Variants in DAB1 observed in about 807,000 individuals in gnomAD.
DAB1 encodes the protein DAB adaptor protein 1.
In DAB1, 15 loss-of-function variants were observed where a neutral mutation model predicts 64.6. The observed-to-expected ratio is 0.23, with a 90% CI of 0.16 to 0.36. DAB1 has a LOEUF of 0.36. Ranked by LOEUF, DAB1 falls within the 10% of genes least tolerant of loss-of-function variation. The pLI, the probability that DAB1 is intolerant of heterozygous loss-of-function variation, is 1.00. For synonymous variants in DAB1, 235 were observed against 251.9 expected, an observed-to-expected ratio of 0.93 and a Z score of 0.64; for missense variants, 596 against 706.7, an observed-to-expected ratio of 0.84 and a Z score of 1.78.
At chr1:57,497,295 T>A (rs1344993900) in intron 7 of DAB1, among the ~76,000 whole-genome samples, 1 of 152,266 alleles carries the variant, frequency 6.6e-6, no homozygotes, top group Non-Finnish European at 1.5e-5. Context: ...TTTTCTACTA[T>A]GATGCAGGTT....
At chr1:58,362,258 C>T (rs1644174451) in intron 3 of DAB1, among the ~76,000 whole-genome samples, 1 of 152,154 alleles carries the variant, frequency 6.6e-6, no homozygotes, top group Admixed American at 6.5e-5. Flanking sequence ...GCATCTTGGC[C>T]TAGCTGGGTT....
chr1:58,351,937 G>T (rs1254445239), intron 3 of DAB1, among the ~76,000 whole-genome samples: 1 of 150,058 alleles, frequency 6.7e-6, no homozygotes, highest in Non-Finnish European at 1.5e-5. Flanking sequence ...AGTTGGAGTA[G>T]GATGGGAATG....
intron 5 of DAB1, among the ~76,000 whole-genome samples, chr1:57,963,497 A>G (rs984934508): frequency 6.6e-6 from 1 of 152,194 alleles, no homozygotes; most frequent in African/African-American, 2.4e-5. Flanking sequence ...AACGTCCTGA[A>G]AGCTGGTGAA....
At chr1:58,235,653 T>C (rs368786828) in intron 4 of DAB1, among the ~76,000 whole-genome samples, 34 of 152,320 alleles carry the variant, frequency 2.2e-4, no homozygotes, top group African/African-American at 7.5e-4. Flanking sequence ...AATCATCCTG[T>C]ATCAACAGGG....
intron 7 of DAB1, among the ~76,000 whole-genome samples, chr1:57,509,885 A>AC (rs1408040736): frequency 6.6e-6 from 1 of 152,084 alleles, no homozygotes; most frequent in Non-Finnish European, 1.5e-5. Context: ...CCTTTCCTCA[A>AC]CCCCACATTA....
intron 1 of DAB1, among the ~76,000 whole-genome samples, chr1:57,849,259 C>T (rs1653418356): frequency 1.3e-5 from 2 of 152,224 alleles, no homozygotes; most frequent in Non-Finnish European, 2.9e-5. Flanking sequence ...CTCACTGCTA[C>T]ACCAAATGCA....
Position 56,997,833 on chromosome 1 carries a change from C to T in DAB1, c.*311G>A, listed in dbSNP as rs1019313587. ...GTCATCTTAAACCCAGCTATGAGGG[C>T]TCAAATATTTGTTGGGTAAGCATTT... is the stretch of plus-strand genomic sequence containing the variant. On this transcript the variant is annotated 3_prime_UTR_variant, in exon 15 of 15. Coordinates refer to ENST00000371236, the MANE Select transcript of DAB1 (RefSeq NM_001365792.1). 6.6e-6 allele frequency: 1 copy of T among 152,190 alleles called. No homozygotes were observed. Among genetic ancestry groups the T allele is most frequent in the African/African-American group, 2.4e-5 (1 of 41,448 alleles). The allele number at this position is 152,190 out of a possible 1,614,324, so 9.4% of individuals were successfully genotyped here.
chr1:58,163,677 G>C (rs903172453), intron 4 of DAB1, among the ~76,000 whole-genome samples: 1 of 152,118 alleles, frequency 6.6e-6, no homozygotes, highest in Non-Finnish European at 1.5e-5. Flanking sequence ...GGTAAATGTG[G>C]ACTCACCAGG....
chr1:57,107,332 A>C (rs1570704623), intron 4 of DAB1, among the ~76,000 whole-genome samples: 1 of 150,050 alleles, frequency 6.7e-6, no homozygotes, highest in Admixed American at 6.7e-5. Flanking sequence ...CCGAGATTGC[A>C]CCATTGCACT....
intron 7 of DAB1, among the ~76,000 whole-genome samples, chr1:57,070,351 G>A (rs3820576): frequency 6.6e-6 from 1 of 152,054 alleles, no homozygotes; most frequent in South Asian, 2.1e-4. Flanking sequence ...GGGAGGGAGA[G>A]GCTGTCTTTT....
intron 1 of DAB1, among the ~76,000 whole-genome samples, chr1:57,374,029 T>C (rs1252832847): frequency 6.6e-6 from 1 of 152,208 alleles, no homozygotes; most frequent in Admixed American, 6.5e-5. Flanking sequence ...TATGCAACCT[T>C]TCTATGGTAA....
intron 6 of DAB1, among the ~76,000 whole-genome samples, chr1:57,760,643 G>GAC (rs778535286): frequency 9.4e-5 from 10 of 106,858 alleles, no homozygotes; most frequent in East Asian, 8.0e-4. Context: ...CACACACACA[G>GAC]ACACACACAC....
At chr1:58,326,358 C>T (rs12726314) in intron 4 of DAB1, among the ~76,000 whole-genome samples, 26,588 of 152,032 alleles carry the variant, frequency 0.17, 2,783 homozygotes, top group African/African-American at 0.29. Context: ...CAGATGAATG[C>T]CAGGTTGATT....
At chr1:57,317,705 C>T (rs1355143427) in intron 1 of DAB1, among the ~76,000 whole-genome samples, 2 of 152,140 alleles carry the variant, frequency 1.3e-5, no homozygotes, top group Non-Finnish European at 2.9e-5. Flanking sequence ...GTCTCCGGTA[C>T]CATTCCAGAT....
intron 3 of DAB1, among the ~76,000 whole-genome samples, chr1:58,488,741 C>T (rs1569872937): frequency 3.9e-5 from 6 of 152,330 alleles, no homozygotes; most frequent in South Asian, 2.1e-4. Context: ...TGAGCCACCA[C>T]GCCCAGCCCC....
At chr1:57,564,792 G>A (rs749852631) in intron 7 of DAB1, among the ~76,000 whole-genome samples, 30 of 152,282 alleles carry the variant, frequency 2.0e-4, no homozygotes, top group Admixed American at 5.9e-4. Context: ...CCAAATCTAC[G>A]TCCAACTGGT....
chr1:57,836,727 C>T (rs573360640), intron 1 of DAB1, among the ~76,000 whole-genome samples: 2 of 152,312 alleles, frequency 1.3e-5, no homozygotes, highest in East Asian at 3.9e-4. Flanking sequence ...TATTGCCACA[C>T]ATAATAGCTA....
intron 5 of DAB1, among the ~76,000 whole-genome samples, chr1:58,038,261 A>G (rs1647077933): frequency 6.6e-6 from 1 of 152,144 alleles, no homozygotes; most frequent in Non-Finnish European, 1.5e-5. Flanking sequence ...TCCAGGACAC[A>G]TTTTGGGTGG....
chr1:57,266,031 T>C (rs1327186764), intron 2 of DAB1, among the ~76,000 whole-genome samples: 1 of 152,078 alleles, frequency 6.6e-6, no homozygotes, highest in Non-Finnish European at 1.5e-5. Flanking sequence ...CAGGGGCCCA[T>C]GCTAGGCACA....
Sources: allele counts gnomAD v4.1 joint callset (sites outside exome capture counted in the v4.1 genomes callset), GRCh38; gene constraint gnomAD v4.1.1; transcripts MANE v1.5; gene names NCBI Gene and HGNC (gene_info 2026-07-23, HGNC 2026-07-21).